The following FLNB variants were observed in gnomAD, a reference collection of about 807,000 sequenced individuals.
The protein encoded by FLNB is filamin B.
In FLNB, 111 loss-of-function variants were observed where a neutral mutation model predicts 250.6. The observed-to-expected ratio is 0.44, with a 90% CI of 0.38 to 0.52. The LOEUF is 0.52. Ranked by LOEUF, FLNB falls within the 20% of genes least tolerant of loss-of-function variation. The pLI is 0.00. For missense variants in FLNB, 2,869 were observed against 3,447.8 expected (o/e 0.83, Z 4.20); for synonymous variants, 1,302 against 1,372.1 (o/e 0.95, Z 1.13).
intron 29 of FLNB, among the ~76,000 whole-genome samples, chr3:58,140,610 CT>C (rs955133518): frequency 1.3e-5 from 2 of 152,016 alleles, no homozygotes; most frequent in African/African-American, 4.8e-5. Context: ...AGCATTAAAT[CT>C]TTTTTGTTTT....
At chr3:58,119,921 CATCTCGGG>C (rs938544887) in intron 19 of FLNB, among the ~76,000 whole-genome samples, 10 of 152,352 alleles carry the variant, frequency 6.6e-5, no homozygotes, top group Non-Finnish European at 1.2e-4. Context: ...TCCAACAGTG[CATCTCGGG>C]AATCATTCAC....
At chr3:58,107,648 G>A (rs192231207) in intron 12 of FLNB, among the ~76,000 whole-genome samples, 102 of 152,056 alleles carry the variant, frequency 6.7e-4, no homozygotes, top group Non-Finnish European at 1.3e-3. Flanking sequence ...TCCTAGTTCC[G>A]TGTCTCTTAA....
At chr3:58,063,259 TC>T (rs1461273830) in intron 1 of FLNB, among the ~76,000 whole-genome samples, 3 of 152,174 alleles carry the variant, frequency 2.0e-5, no homozygotes, top group Non-Finnish European at 4.4e-5. Flanking sequence ...ACCTGCCCTT[TC>T]TTTGAGTGGG....
intron 15 of FLNB, 106 bp from the exon 16 acceptor site, chr3:58,109,904 T>C: frequency 6.7e-7 from 1 of 1,483,986 alleles, no homozygotes; most frequent in South Asian, 1.1e-5. Flanking sequence ...GGTTTCTTAC[T>C]AGAAACTTCC....
chr3:58,125,492 T>A, intron 22 of FLNB, 89 bp from the exon 23 acceptor site: 1 of 1,438,354 alleles, frequency 7.0e-7, no homozygotes. Flanking sequence ...CAGACTTCGA[T>A]GCTAGATGAA....
At chr3:58,018,615 C>T (rs1308937134) in intron 1 of FLNB, among the ~76,000 whole-genome samples, 1 of 151,712 alleles carries the variant, frequency 6.6e-6, no homozygotes, top group Non-Finnish European at 1.5e-5. Flanking sequence ...TCCCGGGTTC[C>T]AGCGATTCTC....
intron 2 of FLNB, among the ~76,000 whole-genome samples, chr3:58,077,528 C>G (rs911088060): frequency 1.3e-5 from 2 of 152,146 alleles, no homozygotes; most frequent in Admixed American, 1.3e-4. Flanking sequence ...GTCTTTTATC[C>G]AAATTCCAAT....
chr3:58,042,991 C>T (rs2097148255), intron 1 of FLNB, among the ~76,000 whole-genome samples: 1 of 151,998 alleles, frequency 6.6e-6, no homozygotes, highest in Non-Finnish European at 1.5e-5. Context: ...TCATTTGACA[C>T]CTATAACTTC....
intron 9 of FLNB, 71 bp downstream of exon 9, chr3:58,102,411 C>T (rs1428764891): frequency 1.5e-5 from 22 of 1,513,454 alleles, no homozygotes; most frequent in Non-Finnish European, 2.8e-6. Flanking sequence ...ATATGGATTT[C>T]ATCCCACGGC....
chr3:58,063,871 C>CT, intron 1 of FLNB, among the ~76,000 whole-genome samples: 1 of 152,108 alleles, frequency 6.6e-6, no homozygotes, highest in East Asian at 1.9e-4. Context: ...GGATAAATAC[C>CT]TATCCTATTT....
rs779388923 is a variant in FLNB at position 58,112,190 on chromosome 3, A to G, written c.2617A>G (p.Lys873Glu). The G allele has an allele frequency of 1.9e-6, 3 of 1,614,198 alleles. No homozygotes were observed. Among genetic ancestry groups the G allele is most frequent in the East Asian group, 4.5e-5 (2 of 44,882 alleles). Residue 873 changes from lysine (K) to glutamate (E), a missense_variant, in exon 18 of 46, where the codon AAG becomes GAG. Physicochemically the swap from Lys to Glu is moderately conservative, Grantham distance 56. Coordinates refer to ENST00000295956, the MANE Select transcript of FLNB (RefSeq NM_001457.4). Reference sequence around the variant, plus strand: ...ACCGACCCACTTCACTGTCTACACCAAGGGGGCTGGGAAAGCCCCGCTCAA... The same window carrying G: ...ACCGACCCACTTCACTGTCTACACCGAGGGGGCTGGGAAAGCCCCGCTCAA... ...GKPTHFTVYT[K>E]GAGKAPLNVQ...
At chr3:58,140,922 G>A (rs1349716860) in intron 29 of FLNB, among the ~76,000 whole-genome samples, 1 of 152,042 alleles carries the variant, frequency 6.6e-6, no homozygotes, top group Non-Finnish European at 1.5e-5. Flanking sequence ...TTAAAGCTAA[G>A]ATTTGTTGAA....
rs559334561 is a variant in FLNB, at chr3:58,108,680, T to C, written c.2055+109T>C. On this transcript the variant is annotated intron_variant, in intron 13 of 45. Coordinates refer to ENST00000295956, the MANE Select transcript of FLNB (RefSeq NM_001457.4). ...ATCTTCAGTTTCCTCATCTGCACCG[T>C]GGAAATGATAAGAAGATTATCTTAT... 6.6e-5 allele frequency: 48 copies of C among 729,124 alleles called. 1 individual carries two copies. In the East Asian group the frequency reaches 1.2e-3, roughly 18 times the overall value. 45.2% of individuals were successfully genotyped at this position (729,124 alleles called of 1,614,324 possible).
At chr3:58,168,200 G>C (rs1363382641) in intron 43 of FLNB, among the ~76,000 whole-genome samples, 1 of 152,230 alleles carries the variant, frequency 6.6e-6, no homozygotes, top group South Asian at 2.1e-4. Context: ...CCAGGCTGTT[G>C]GTGCTTGTGG....
intron 1 of FLNB, among the ~76,000 whole-genome samples, chr3:58,034,683 A>G (rs138915099): frequency 9.8e-5 from 15 of 152,346 alleles, no homozygotes; most frequent in African/African-American, 3.1e-4. Context: ...ATCCTGGTTT[A>G]TCCAAAAAGG....
intron 1 of FLNB, among the ~76,000 whole-genome samples, chr3:58,031,403 T>A (rs1221421083): frequency 6.6e-6 from 1 of 151,704 alleles, no homozygotes; most frequent in African/African-American, 2.4e-5. Flanking sequence ...CCACCACGCC[T>A]GGCTAATTTT....
chr3:58,139,022 A>G (rs1411785678), intron 29 of FLNB, among the ~76,000 whole-genome samples: 1 of 152,210 alleles, frequency 6.6e-6, no homozygotes, highest in East Asian at 1.9e-4. Context: ...CACTTTATGT[A>G]TGAGGGGGAA....
intron 3 of FLNB, among the ~76,000 whole-genome samples, chr3:58,081,369 T>C (rs1576683320): frequency 6.6e-6 from 1 of 152,138 alleles, no homozygotes; most frequent in East Asian, 1.9e-4. Context: ...TTTTGGGGAA[T>C]GGGGAGGACA....
At chr3:58,101,123 A>C (rs1201226139) in intron 8 of FLNB, among the ~76,000 whole-genome samples, 1 of 152,198 alleles carries the variant, frequency 6.6e-6, no homozygotes, top group African/African-American at 2.4e-5. Context: ...TAAACCATCT[A>C]AAATCATCTC....
Sources: gnomAD v4.1 joint callset for allele counts (sites outside exome capture counted in the v4.1 genomes callset) on GRCh38, gnomAD v4.1.1 for gene constraint, MANE v1.5 for transcripts, NCBI Gene and HGNC (gene_info 2026-07-23, HGNC 2026-07-21) for gene names.